Variants in ATP13A1 observed in about 807,000 individuals in gnomAD.
The protein encoded by ATP13A1 is endoplasmic reticulum transmembrane helix translocase.
ATP13A1 carries 55 observed loss-of-function variants against 134.8 expected under a neutral mutation model. The observed-to-expected ratio is 0.41, with a 90% CI of 0.33 to 0.51. The LOEUF is 0.51. Ranked by LOEUF, ATP13A1 falls within the 20% of genes least tolerant of loss-of-function variation. The pLI, the probability that ATP13A1 is intolerant of heterozygous loss-of-function variation, is 0.29. For synonymous variants in ATP13A1, 775 were observed against 725.1 expected, an observed-to-expected ratio of 1.07 and a Z score of -1.10; for missense variants, 1,389 against 1,652.8, an observed-to-expected ratio of 0.84 and a Z score of 2.77.
At chr19:19,649,523 A>AGCTTGTGG (rs1167541244) in intron 19 of ATP13A1, 44 bp downstream of exon 19, 1 of 1,584,906 alleles carries the variant, frequency 6.3e-7, no homozygotes, top group Admixed American at 1.8e-5. Context: ...ACATGTCCTC[A>AGCTTGTGG]ACACCTCGTC....
In ATP13A1 at chr19:19,654,588, G is replaced by GA; in HGVS notation, c.1767dup (p.Leu590SerfsTer17). ...ACGGCCGTCAGCATGGCCTTCTCTA[G>GA]AGGGTCACCCACGAGGGTGCCGTCG... On this transcript the variant is annotated frameshift_variant, in exon 13 of 26. Coordinates refer to ENST00000357324, the MANE Select transcript of ATP13A1 (RefSeq NM_020410.3). LOFTEE classifies it high-confidence loss of function. 6.2e-7 allele frequency: 1 copy of GA among 1,613,256 alleles called. No individual in the cohort carries two copies. The highest frequency in any genetic ancestry group is 8.5e-7 in the Non-Finnish European group (1 of 1,179,836).
chr19:19,662,736 T>G (rs930354381), intron 1 of ATP13A1, among the ~76,000 whole-genome samples: 1 of 152,190 alleles, frequency 6.6e-6, no homozygotes, highest in Non-Finnish European at 1.5e-5. Context: ...AACACTGTAA[T>G]TAACTGCATT....
In ATP13A1 at chr19:19,652,716, C is replaced by A; in HGVS notation, c.2105G>T (p.Arg702Leu). Residue 702 changes from arginine to leucine, a missense_variant, in exon 16 of 26, where the codon CGG becomes CTG. Arg to Leu is a moderately radical substitution (Grantham distance 102, BLOSUM62 -2). Coordinates refer to ENST00000357324, the MANE Select transcript of ATP13A1 (RefSeq NM_020410.3). ...CTCCAGGGCCTCCCGCTTGACCTCC[C>A]GGGCCTGCGGACAGACAGGGGCACC... ...ELGHLTHQQA[R>L]EVKREALECS... 6.2e-7 allele frequency: 1 copy of A among 1,603,578 alleles called. No homozygotes were observed.
intron 17 of ATP13A1, chr19:19,650,545 C>G (rs112468555): frequency 0.018 from 2,772 of 154,936 alleles, 45 homozygotes; most frequent in South Asian, 0.054. Context: ...CACACTTCCA[C>G]CTGGCTTGTG....
rs773076381 is a variant in ATP13A1, at chr19:19,647,638, C to T, written c.2754G>A (p.Ser918=). 3.7e-5 allele frequency: 59 copies of T among 1,613,168 alleles called. No homozygotes were observed. The South Asian group carries it at 5.4e-4, about 15-fold the overall frequency. The change falls in exon 20 of 26, where the codon TCG becomes TCA. Residue 918 remains serine, a synonymous_variant. Transcript: ENST00000357324. This position sits in a 1 kb window ranked among gnomAD's most constrained non-coding sequence, Gnocchi z 4.8. The part of the protein sequence containing the change: ...RATSRTAKQR[S]GLPPSEEQPT... ...GCTGCTCCTCGGAGGGAGGGAGCCCCGACCGCTGCTTGGCTGTCCTGGAGG... is the reference window on the plus strand; with the variant it reads ...GCTGCTCCTCGGAGGGAGGGAGCCCTGACCGCTGCTTGGCTGTCCTGGAGG...
In ATP13A1 at chr19:19,646,347, G is replaced by C; in HGVS notation, c.3106C>G (p.Pro1036Ala). The change falls in exon 23 of 26, where the codon CCC (proline) becomes GCC (alanine). Residue 1036 changes from proline to alanine, a missense_variant and splice_region_variant. Pro to Ala is a conservative substitution (Grantham distance 27). Transcript: ENST00000357324. ...GCFLFISRSK[P>A]LKTLSRERPL... ...CGTTCTCGGGAGAGGGTCTTGAGGG[G>C]CTGCAGCAGCAAGGCGGGTGGGGGA... 6.2e-7 allele frequency: 1 copy of C among 1,613,780 alleles called. No individual in the cohort carries two copies. The highest frequency in any genetic ancestry group is 8.5e-7 in the Non-Finnish European group (1 of 1,179,842).
rs751780848 is a variant in ATP13A1 at position 19,647,609 on chromosome 19, G to C, written c.2783C>G (p.Thr928Ser). ...SGLPPSEEQP[T>S]SQRDRLSQVL... The stretch of plus-strand genomic sequence containing the variant: ...CCTCTTGGGACTCACCCTCTGGGAG[G>C]TTGGCTGCTCCTCGGAGGGAGGGAG... The change falls in exon 20 of 26, where the codon ACC becomes AGC. Residue 928 changes from threonine to serine, a missense_variant. Physicochemically the swap from Thr to Ser is moderately conservative, Grantham distance 58. Coordinates refer to ENST00000357324, the MANE Select transcript of ATP13A1 (RefSeq NM_020410.3). This position sits in a 1 kb window ranked among gnomAD's most constrained non-coding sequence, Gnocchi z 4.8. 7.4e-6 allele frequency: 12 copies of C among 1,613,436 alleles called. No individual in the cohort carries two copies. The African/African-American group carries it at 1.6e-4, about 22-fold the overall frequency.
Position 19,649,594 on chromosome 19 carries a change from C to G in ATP13A1, c.2605G>C (p.Val869Leu). ...TLMCGDGTND[V>L]GALKHADVGV... ...ACGTCAGCATGCTTCAGGGCGCCCA[C>G]GTCGTTGGTGCCATCCCCACACATG... is the stretch of plus-strand genomic sequence containing the variant. The change falls in exon 19 of 26, where the codon GTG becomes CTG. Residue 869 changes from valine to leucine, a missense_variant. Coordinates refer to ENST00000357324, the MANE Select transcript of ATP13A1 (RefSeq NM_020410.3). The G allele has an allele frequency of 6.2e-7, 1 of 1,613,842 alleles. No individual in the cohort carries two copies. Among genetic ancestry groups the G allele is most frequent in the African/African-American group, 1.3e-5 (1 of 75,046 alleles).
chr19:19,651,729 T>C lies in ATP13A1; in HGVS notation c.2295A>G (p.Glu765=), dbSNP rs760136172. The change falls in exon 17 of 26, where the codon GAA becomes GAG. Residue 765 remains glutamate (E), a synonymous_variant. Coordinates refer to ENST00000357324, the MANE Select transcript of ATP13A1 (RefSeq NM_020410.3). The stretch of plus-strand genomic sequence containing the variant: ...GCTGCAGGATCAGCGTGTGGGCCTT[T>C]TCAATGAAGTGCAGCTCCTGGGCCA... ...CHVAQELHFI[E]KAHTLILQPP... The C allele has an allele frequency of 9.1e-5, 146 of 1,613,210 alleles. No homozygotes were observed. Among genetic ancestry groups the C allele is most frequent in the Non-Finnish European group, 1.1e-4 (131 of 1,179,642 alleles).
At chr19:19,648,513 A>AAG (rs1568425582) in intron 19 of ATP13A1, among the ~76,000 whole-genome samples, 1 of 143,498 alleles carries the variant, frequency 7.0e-6, no homozygotes, top group East Asian at 1.9e-4. Flanking sequence ...AAAAAAAAAG[A>AAG]AAAAAGAAAA....
chr19:19,647,785 C>A lies in ATP13A1; in HGVS notation c.2633-26G>T. 6.4e-7 allele frequency: 1 copy of A among 1,569,442 alleles called. No individual in the cohort carries two copies. The highest frequency in any genetic ancestry group is 2.3e-5 in the East Asian group (1 of 43,682). The stretch of plus-strand genomic sequence containing the variant: ...CTGGGGGGCAGGAGGGTGTCAGACC[C>A]GGAGGAGCAGGCTCCACGGAGGGGA... On this transcript the variant is annotated intron_variant, in intron 19 of 25. Coordinates refer to ENST00000357324, the MANE Select transcript of ATP13A1 (RefSeq NM_020410.3). This position sits in a 1 kb window ranked among gnomAD's most constrained non-coding sequence, Gnocchi z 4.8.
chr19:19,657,111 C>A lies in ATP13A1; in HGVS notation c.789G>T (p.Trp263Cys), dbSNP rs2062064142. ...TGGATAGCGTAAAGACGCTGTAGTA[C>A]CAGTACTCATCCAGGCACCAGAGCC... is the stretch of plus-strand genomic sequence containing the variant. Reference protein sequence around the residue: ...CVGLWCLDEYWYYSVFTLSML... With the variant: ...CVGLWCLDEYCYYSVFTLSML... The change falls in exon 5 of 26, where the codon TGG (tryptophan) becomes TGT (cysteine). Residue 263 changes from tryptophan (W) to cysteine (C), a missense_variant. By Grantham distance (215) the Trp-to-Cys change is radical. Transcript: ENST00000357324. The A allele has an allele frequency of 6.6e-7, 1 of 1,522,270 alleles. No individual in the cohort carries two copies. 94.3% of individuals were successfully genotyped at this position (1,522,270 alleles called of 1,614,324 possible).
chr19:19,662,923 A>G (rs902608850), intron 1 of ATP13A1, among the ~76,000 whole-genome samples: 1 of 152,208 alleles, frequency 6.6e-6, no homozygotes, highest in Admixed American at 6.5e-5. Context: ...CCGTTTCCAG[A>G]ACAAGAGTAG....
In ATP13A1 at chr19:19,649,882, GC is replaced by G. The variant is rs1165294989; in HGVS notation, c.2393del (p.Gly798AlafsTer55). ...ACTCCAGGGCCAGTGCCTTTGGGGA[GC>G]CCCGGGCCAGGGGCAGCACGATGCT... is the stretch of plus-strand genomic sequence containing the variant. ...DGSIVLPLAR[G>X]SPKALALEYA... On this transcript the variant is annotated frameshift_variant, in exon 18 of 26. Coordinates refer to ENST00000357324, the MANE Select transcript of ATP13A1 (RefSeq NM_020410.3). LOFTEE classifies it high-confidence loss of function. 1.2e-6 allele frequency: 2 copies of G among 1,601,850 alleles called. No individual in the cohort carries two copies.
Position 19,654,239 on chromosome 19 carries a change from C to T in ATP13A1, c.1814-95G>A. ...CCCGGCCTCCCCCACCTCCCTCCTG[C>T]CTCCCCCAGGGCCTGATCGGGGCTC... On this transcript the variant is annotated intron_variant, in intron 13 of 25. Coordinates refer to ENST00000357324, the MANE Select transcript of ATP13A1 (RefSeq NM_020410.3). 6.1e-6 allele frequency: 8 copies of T among 1,316,014 alleles called. No individual in the cohort carries two copies. In the South Asian group the frequency reaches 1.1e-4, roughly 19 times the overall value. The allele number at this position is 1,316,014 out of a possible 1,614,324, so 81.5% of individuals were successfully genotyped here.
rs1458456663 is a variant in ATP13A1 at position 19,646,365 on chromosome 19, G to A, written c.3106-18C>T. ...TTGAGGGGCTGCAGCAGCAAGGCGGGTGGGGGAGTCAGGATCTGGCTCACT... is the reference window on the plus strand; with the variant it reads ...TTGAGGGGCTGCAGCAGCAAGGCGGATGGGGGAGTCAGGATCTGGCTCACT... On this transcript the variant is annotated intron_variant, in intron 22 of 25. Coordinates refer to ENST00000357324, the MANE Select transcript of ATP13A1 (RefSeq NM_020410.3). 3 of 1,613,444 alleles carry A rather than the reference G, an allele frequency of 1.9e-6. No homozygotes were observed. The South Asian group carries it at 3.3e-5, about 18-fold the overall frequency.
Position 19,663,417 on chromosome 19 carries a change from C to A in ATP13A1, c.250G>T (p.Ala84Ser), listed in dbSNP as rs2062107270. 2 of 1,576,844 alleles carry A rather than the reference C, an allele frequency of 1.3e-6. No homozygotes were observed. The highest frequency in any genetic ancestry group is 2.3e-5 in the East Asian group (1 of 42,652). ...CTGCTGCCCCAGCCCCAGCAGCCAG[C>A]GGCTGCGGCACCCAACCAGGCCGGG... Reference protein sequence around the residue: ...LYPAWLGAAAAGCWGWGSSWV... With the variant: ...LYPAWLGAAASGCWGWGSSWV... The change falls in exon 1 of 26, where the codon GCT becomes TCT. Residue 84 changes from alanine (A) to serine (S), a missense_variant. Coordinates refer to ENST00000357324, the MANE Select transcript of ATP13A1 (RefSeq NM_020410.3).
In ATP13A1 at chr19:19,663,298, G is replaced by T; in HGVS notation, c.369C>A (p.His123Gln). Residue 123 changes from histidine to glutamine, a missense_variant, in exon 1 of 26, where the codon CAC becomes CAA. By Grantham distance (24) the His-to-Gln change is conservative (BLOSUM62 0). Transcript: ENST00000357324. ...GGGTGCAGGTGAGCGCGCAATGCGC[G>T]TGCACAGACCAATGCCCCGAGAGGA... is the stretch of plus-strand genomic sequence containing the variant. ...LTVLSGHWSV[H>Q]AHCALTCTPE... The T allele has an allele frequency of 6.3e-7, 1 of 1,588,730 alleles. No homozygotes were observed. The highest frequency in any genetic ancestry group is 8.6e-7 in the Non-Finnish European group (1 of 1,168,960).
Position 19,646,233 on chromosome 19 carries a change from G to C in ATP13A1, c.3220C>G (p.Arg1074Gly). Residue 1074 changes from arginine to glycine, a missense_variant, in exon 23 of 26, where the codon CGT becomes GGT. Physicochemically the swap from Arg to Gly is moderately radical, Grantham distance 125. Transcript: ENST00000357324. ...TCGGGGCTCCGGGCCTGGGCCTCAC[G>C]GTACAGGTAGACAAGGCTCAGGAAG... ...VHFLSLVYLY[R>G]EAQARSPEKQ... is the part of the protein sequence containing the mutation. 1.2e-6 allele frequency: 2 copies of C among 1,613,922 alleles called. No individual in the cohort carries two copies. Among genetic ancestry groups the C allele is most frequent in the Admixed American group, 1.7e-5 (1 of 59,996 alleles).
Sources: gnomAD v4.1 joint callset for allele counts (sites outside exome capture counted in the v4.1 genomes callset) on GRCh38, gnomAD v4.1.1 for gene constraint, Gnocchi (gnomAD v3.1) non-coding constraint, MANE v1.5 for transcripts, NCBI Gene and HGNC (gene_info 2026-07-23, HGNC 2026-07-21) for gene names.